The following GALNT17 variants were observed in gnomAD, a reference collection of about 807,000 sequenced individuals.
GALNT17 encodes polypeptide N-acetylgalactosaminyltransferase 17.
GALNT17 carries 29 observed loss-of-function variants against 63.7 expected under a neutral mutation model. The observed-to-expected ratio is 0.46, with a 90% CI of 0.34 to 0.62. GALNT17 has a LOEUF of 0.62. GALNT17 is among the 20% of genes least tolerant of loss of function. The probability of loss-of-function intolerance (pLI) is 0.01; values close to 1 mark genes in which losing one functional copy is unlikely to be tolerated. For missense variants in GALNT17, 603 were observed against 799.6 expected (o/e 0.75, Z 2.97); for synonymous variants, 305 against 318.3 (o/e 0.96, Z 0.45).
intron 9 of GALNT17, among the ~76,000 whole-genome samples, chr7:71,695,627 A>G (rs1791528574): frequency 6.6e-6 from 1 of 152,200 alleles, no homozygotes; most frequent in Admixed American, 6.5e-5. Context: ...TGAAATCAAG[A>G]TTCAGAACAT....
chr7:71,280,182 GA>G (rs1562967063), intron 1 of GALNT17, among the ~76,000 whole-genome samples: 1 of 152,112 alleles, frequency 6.6e-6, no homozygotes, highest in African/African-American at 2.4e-5. Flanking sequence ...AGAGACAGGG[GA>G]CCAGAGTCCA....
At chr7:71,201,217 G>T (rs1789160339) in intron 1 of GALNT17, among the ~76,000 whole-genome samples, 1 of 113,072 alleles carries the variant, frequency 8.8e-6, no homozygotes, top group Non-Finnish European at 1.8e-5. Flanking sequence ...TTTTTTCTTT[G>T]TATGGGGGTG....
intron 1 of GALNT17, among the ~76,000 whole-genome samples, chr7:71,191,347 C>T (rs1406422351): frequency 7.2e-6 from 1 of 139,598 alleles, no homozygotes; most frequent in African/African-American, 3.0e-5. Flanking sequence ...TTGTTTTTCA[C>T]TCAGCATTTT....
At chr7:71,528,508 C>T (rs971009170) in intron 5 of GALNT17, among the ~76,000 whole-genome samples, 1 of 152,190 alleles carries the variant, frequency 6.6e-6, no homozygotes, top group African/African-American at 2.4e-5. Flanking sequence ...AGGCTGTCTG[C>T]TCCATGTGTC....
At chr7:71,459,827 C>T (rs1443036464) in intron 5 of GALNT17, among the ~76,000 whole-genome samples, 1 of 152,200 alleles carries the variant, frequency 6.6e-6, no homozygotes, top group African/African-American at 2.4e-5. Context: ...TCGTCATCTA[C>T]TGTCTCTAAG....
chr7:71,357,633 C>A, intron 2 of GALNT17, among the ~76,000 whole-genome samples: 1 of 152,134 alleles, frequency 6.6e-6, no homozygotes, highest in Non-Finnish European at 1.5e-5. Flanking sequence ...CCGTCTTTGG[C>A]TAGGTGCTTA....
chr7:71,178,582 C>CTTTT (rs534368264), intron 1 of GALNT17, among the ~76,000 whole-genome samples: 3 of 151,978 alleles, frequency 2.0e-5, no homozygotes, highest in African/African-American at 7.2e-5. Flanking sequence ...TTTTTTAAGT[C>CTTTT]TTTTTTTCTT....
chr7:71,552,616 A>G (rs1789099936), intron 5 of GALNT17, among the ~76,000 whole-genome samples: 1 of 151,510 alleles, frequency 6.6e-6, no homozygotes, highest in Non-Finnish European at 1.5e-5. Flanking sequence ...AATTTCTTGT[A>G]TGTTTAGTAG....
intron 1 of GALNT17, among the ~76,000 whole-genome samples, chr7:71,241,221 C>G (rs2116467674): frequency 6.6e-6 from 1 of 152,346 alleles, no homozygotes; most frequent in Middle Eastern, 3.4e-3. Flanking sequence ...CTCTTTCTCT[C>G]CTCCCTGGTT....
intron 1 of GALNT17, among the ~76,000 whole-genome samples, chr7:71,306,410 G>GC (rs1043304817): frequency 5.3e-5 from 8 of 150,846 alleles, no homozygotes; most frequent in South Asian, 2.1e-4. Context: ...TGCTGTCAAC[G>GC]CCCCCCACTA....
At chr7:71,396,439 G>T (rs1793141343) in intron 3 of GALNT17, among the ~76,000 whole-genome samples, 1 of 152,066 alleles carries the variant, frequency 6.6e-6, no homozygotes, top group African/African-American at 2.4e-5. Flanking sequence ...AATATGAGGA[G>T]TTATTTTGGG....
intron 6 of GALNT17, among the ~76,000 whole-genome samples, chr7:71,591,626 C>T (rs1415779335): frequency 1.3e-5 from 2 of 152,250 alleles, no homozygotes; most frequent in East Asian, 1.9e-4. Flanking sequence ...GAAATGGGCT[C>T]ATCTGAGAAA....
chr7:71,578,761 C>T (rs1789580098), intron 6 of GALNT17, among the ~76,000 whole-genome samples: 1 of 152,182 alleles, frequency 6.6e-6, no homozygotes, highest in Non-Finnish European at 1.5e-5. Flanking sequence ...TTGCTTCCCT[C>T]TTGTCTACAG....
intron 1 of GALNT17, among the ~76,000 whole-genome samples, chr7:71,239,192 G>C (rs1789948568): frequency 1.3e-5 from 2 of 152,182 alleles, no homozygotes; most frequent in Admixed American, 1.3e-4. Context: ...GGGCACAGTG[G>C]CTCATGCCTA....
chr7:71,152,542 G>A (rs1047159084), intron 1 of GALNT17, among the ~76,000 whole-genome samples: 1 of 152,042 alleles, frequency 6.6e-6, no homozygotes, highest in Non-Finnish European at 1.5e-5. Context: ...CCTTTCTTCA[G>A]GGCCTTCTGA....
At chr7:71,603,531 C>T (rs183858802) in intron 6 of GALNT17, among the ~76,000 whole-genome samples, 1 of 152,182 alleles carries the variant, frequency 6.6e-6, no homozygotes, top group Admixed American at 6.5e-5. Context: ...AGTGCATATG[C>T]TGGATACCAT....
At chr7:71,621,603 T>C (rs1790296920) in intron 6 of GALNT17, among the ~76,000 whole-genome samples, 1 of 113,846 alleles carries the variant, frequency 8.8e-6, no homozygotes, top group African/African-American at 2.8e-5. Context: ...AGACAATGGA[T>C]AAAAATAATA....
At chr7:71,366,958 T>C (rs1230769185) in intron 2 of GALNT17, among the ~76,000 whole-genome samples, 1 of 152,222 alleles carries the variant, frequency 6.6e-6, no homozygotes, top group African/African-American at 2.4e-5. Context: ...GGGTTCCTTC[T>C]GTTGATTTCT....
chr7:71,348,779 A>G (rs138323500), intron 2 of GALNT17, among the ~76,000 whole-genome samples: 29 of 152,336 alleles, frequency 1.9e-4, no homozygotes, highest in African/African-American at 6.3e-4. Context: ...CATCTCATCT[A>G]ATATTCAGAA....
Sources: gnomAD v4.1 joint callset for allele counts (sites outside exome capture counted in the v4.1 genomes callset) on GRCh38, gnomAD v4.1.1 for gene constraint, MANE v1.5 for transcripts, NCBI Gene and HGNC (gene_info 2026-07-23, HGNC 2026-07-21) for gene names.